MDC1: variants seen among roughly 807,000 people sequenced by gnomAD.
MDC1 encodes mediator of DNA damage checkpoint 1.
MDC1 carries 81 observed loss-of-function variants against 142.5 expected under a neutral mutation model. The observed-to-expected ratio is 0.57, with a 90% CI of 0.47 to 0.68. The LOEUF is 0.68. Among genes scored for constraint, MDC1 ranks in the 30% least tolerant of loss-of-function variants. The probability of loss-of-function intolerance (pLI) is 0.00; values close to 1 mark genes in which losing one functional copy is unlikely to be tolerated. For missense variants in MDC1, 2,119 were observed against 2,547.9 expected (o/e 0.83, Z 3.62); for synonymous variants, 797 against 968.4 (o/e 0.82, Z 3.29).
intron 9 of MDC1, among the ~76,000 whole-genome samples, chr6:30,706,736 G>T (rs952817685): frequency 1.3e-5 from 2 of 151,008 alleles, no homozygotes; most frequent in Non-Finnish European, 2.9e-5. Flanking sequence ...GGCAGAGGTT[G>T]CAGTGAGCCA....
In MDC1 at chr6:30,715,337, A is replaced by AG. The variant is rs1370412374; in HGVS notation, c.-3-160_-3-159insC. Among the ~76,000 whole-genome samples, 1 of 150,522 alleles carries AG rather than the reference A, an allele frequency of 6.6e-6. No homozygotes were observed. The highest frequency in any genetic ancestry group is 1.5e-5 in the Non-Finnish European group (1 of 67,878). On this transcript the variant is annotated intron_variant, in intron 1 of 14. Coordinates refer to ENST00000376406, the MANE Select transcript of MDC1 (RefSeq NM_014641.3). This position sits in a 1 kb window ranked among gnomAD's most constrained non-coding sequence, Gnocchi z 4.1. ...GTTGTTAACCTTCTGAAGCACTTAA[A>AG]ACATTTTTTTCTTTTTTGTGATGGA...
At position 30,713,015 on chromosome 6, in the gene MDC1, A is replaced by G; in HGVS notation, c.927T>C (p.Pro309=). The G allele has an allele frequency of 6.2e-7, 1 of 1,612,666 alleles. No individual in the cohort carries two copies. The highest frequency in any genetic ancestry group is 8.5e-7 in the Non-Finnish European group (1 of 1,179,786). ...SDTDVDDDSR[P]PGRPAEVHLE... ...AATGGACCTCAGCTGGCCTTCCAGG[A>G]GGCCTGCTGTCATCATCCACATCTG... Residue 309 remains proline, a synonymous_variant, in exon 5 of 15, where the codon CCT becomes CCC. Transcript: ENST00000376406. This position sits in a 1 kb window ranked among gnomAD's most constrained non-coding sequence, Gnocchi z 4.9.
Position 30,703,612 on chromosome 6 carries a change from TCTC to T in MDC1, c.5562+6_5562+8del. On this transcript the variant is annotated splice_donor_region_variant and intron_variant, in intron 10 of 14. Transcript: ENST00000376406. The surrounding 1 kb of genome is among the most constrained non-coding windows in gnomAD (Gnocchi z 4.4). ...TTTCCCAGCTTTGTGGTCCCAACCCTCTCCTCACCTCTTCCTTCCCTGGCTTCT... is the reference window on the plus strand; with the variant it reads ...TTTCCCAGCTTTGTGGTCCCAACCCTCTCACCTCTTCCTTCCCTGGCTTCT... The T allele has an allele frequency of 1.2e-6, 2 of 1,603,342 alleles. No individual in the cohort carries two copies. Among genetic ancestry groups the T allele is most frequent in the Non-Finnish European group, 1.7e-6 (2 of 1,175,144 alleles).
At position 30,713,724 on chromosome 6, in the gene MDC1, A is replaced by G. The variant is rs1011748258; in HGVS notation, c.518-7T>C. The G allele has an allele frequency of 6.2e-7, 1 of 1,614,132 alleles. No individual in the cohort carries two copies. Among genetic ancestry groups the G allele is most frequent in the Non-Finnish European group, 8.5e-7 (1 of 1,179,988 alleles). On this transcript the variant is annotated splice_region_variant and splice_polypyrimidine_tract_variant and intron_variant, in intron 3 of 14. Coordinates refer to ENST00000376406, the MANE Select transcript of MDC1 (RefSeq NM_014641.3). The surrounding 1 kb of genome is among the most constrained non-coding windows in gnomAD (Gnocchi z 4.9). ...CGCCTTTCAGAAAGAAAATCTGTCA[A>G]GAACAGAAAGGAATGAGTTGACAAT...
Position 30,715,277 on chromosome 6 carries a change from T to A in MDC1, c.-3-99A>T. ...AACTAGGGGGTAAACTGGATCATTA[T>A]GAACGTTGATGCTTCTCTTTCCACC... On this transcript the variant is annotated intron_variant, in intron 1 of 14. Transcript: ENST00000376406. This position sits in a 1 kb window ranked among gnomAD's most constrained non-coding sequence, Gnocchi z 4.1. 1 of 1,206,160 alleles carries A rather than the reference T, an allele frequency of 8.3e-7. No individual in the cohort carries two copies. The highest frequency in any genetic ancestry group is 1.8e-5 in the Admixed American group (1 of 55,104). 74.7% of individuals were successfully genotyped at this position (1,206,160 alleles called of 1,614,324 possible). A position where few individuals can be genotyped will look rare whatever the true frequency, so the allele number is the denominator to read the frequency against.
rs1213065849 is a variant in MDC1 at position 30,699,986 on chromosome 6, TCTA to T, written c.*476_*478del. ...AGCACTCCATAACTGGACCCTCAAA[TCTA>T]CTCACTCCAAGCATCCCTTCAAGTT... On this transcript the variant is annotated 3_prime_UTR_variant, in exon 15 of 15. Coordinates refer to ENST00000376406, the MANE Select transcript of MDC1 (RefSeq NM_014641.3). The T allele has an allele frequency of 4.4e-6, 1 of 227,734 alleles. No individual in the cohort carries two copies. Among genetic ancestry groups the T allele is most frequent in the Non-Finnish European group, 8.7e-6 (1 of 114,828 alleles). The allele number at this position is 227,734 out of a possible 1,614,324, so 14.1% of individuals were successfully genotyped here.
In MDC1 at chr6:30,712,335, A is replaced by G. The variant is rs200078987; in HGVS notation, c.1607T>C (p.Ile536Thr). 67 of 1,612,998 alleles carry G rather than the reference A, an allele frequency of 4.2e-5. No individual in the cohort carries two copies. Among genetic ancestry groups the G allele is most frequent in the Non-Finnish European group, 3.4e-6 (4 of 1,180,058 alleles). Residue 536 changes from isoleucine (I) to threonine (T), a missense_variant, in exon 5 of 15, where the codon ATA becomes ACA. Transcript: ENST00000376406. This position sits in a 1 kb window ranked among gnomAD's most constrained non-coding sequence, Gnocchi z 4.7. Reference protein sequence around the residue: ...EKEVPPGSAIIHIKKHQVSVE... With the variant: ...EKEVPPGSAITHIKKHQVSVE... ...AGACACCTGATGCTTCTTTATATGT[A>G]TAATGGCTGACCCTGGCGGGACTTC...
In MDC1 at chr6:30,713,937, C is replaced by T. The variant is rs1775295571; in HGVS notation, c.383G>A (p.Cys128Tyr). 1 of 1,613,202 alleles carries T rather than the reference C, an allele frequency of 6.2e-7. No individual in the cohort carries two copies. The highest frequency in any genetic ancestry group is 8.5e-7 in the Non-Finnish European group (1 of 1,180,032). Residue 128 changes from cysteine (C) to tyrosine (Y), a missense_variant, in exon 3 of 15, where the codon TGC (cysteine) becomes TAC (tyrosine). Physicochemically the swap from Cys to Tyr is radical, Grantham distance 194. Coordinates refer to ENST00000376406, the MANE Select transcript of MDC1 (RefSeq NM_014641.3). This position sits in a 1 kb window ranked among gnomAD's most constrained non-coding sequence, Gnocchi z 4.9. ...AGAGACATCCAGGCGATGGTACTGGCAGAGCAAGTCAGCAAAGAGAATCAA... is the reference window on the plus strand; with the variant it reads ...AGAGACATCCAGGCGATGGTACTGGTAGAGCAAGTCAGCAAAGAGAATCAA... Reference protein sequence around the residue: ...QELILFADLLCQYHRLDVSLP... With the variant: ...QELILFADLLYQYHRLDVSLP...
At chr6:30,711,378 T>C (rs371107547) in intron 7 of MDC1, 34 bp downstream of exon 7, 32 of 1,559,680 alleles carry the variant, frequency 2.1e-5, no homozygotes, top group African/African-American at 9.5e-5. Context: ...GAATGCAGAA[T>C]TGGGGACACA....
At chr6:30,702,974 T>G in intron 12 of MDC1, 97 bp from the exon 13 acceptor site, 1 of 1,592,828 alleles carries the variant, frequency 6.3e-7, no homozygotes, top group Non-Finnish European at 8.6e-7. Context: ...GTCTTTTAAA[T>G]CAATGCAGGC....
rs756831805 is a variant in MDC1, at chr6:30,707,655, T to C, written c.2924A>G (p.Asp975Gly). 2.5e-6 allele frequency: 4 copies of C among 1,612,954 alleles called. No individual in the cohort carries two copies. The highest frequency in any genetic ancestry group is 1.6e-4 in the Middle Eastern group (1 of 6,062). The change falls in exon 8 of 15, where the codon GAC (aspartate) becomes GGC (glycine). Residue 975 changes from aspartate (D) to glycine (G), a missense_variant. Coordinates refer to ENST00000376406, the MANE Select transcript of MDC1 (RefSeq NM_014641.3). ...GGGGGCTGAGGTAGGTCCCGGAAGG[T>C]CCCCCGCCCCCACCCCAGGCTCTGG... Reference protein sequence around the residue: ...PTPEPGVGAGDLPGPTSAPVP... With the variant: ...PTPEPGVGAGGLPGPTSAPVP...
chr6:30,705,506 T>C lies in MDC1; in HGVS notation c.3677A>G (p.Gln1226Arg). 1 of 1,600,234 alleles carries C rather than the reference T, an allele frequency of 6.2e-7. No homozygotes were observed. Among genetic ancestry groups the C allele is most frequent in the South Asian group, 1.1e-5 (1 of 89,400 alleles). Residue 1226 changes from glutamine (Q) to arginine (R), a missense_variant, in exon 10 of 15, where the codon CAG (glutamine) becomes CGG (arginine). Coordinates refer to ENST00000376406, the MANE Select transcript of MDC1 (RefSeq NM_014641.3). ...TCTATTTTTTCTTCCCCTAGTAGCC[T>C]GAGAGGTGGGTTCAGAGGTGACAGG... is the stretch of plus-strand genomic sequence containing the variant. ...DRPVTSEPTS[Q>R]ATRGRKNRSS...
In MDC1 at chr6:30,705,548, GA is replaced by G; in HGVS notation, c.3634del (p.Ser1212ProfsTer149). On this transcript the variant is annotated frameshift_variant, in exon 10 of 15. Transcript: ENST00000376406. LOFTEE classifies it high-confidence loss of function. ...VVPTALELQP[S>X]TSTDRPVTSE... ...GGTGACAGGTCGGTCGGTGGAGGTG[GA>G]AGGCTGGAGCTCAAGGGCTGTGGGC... is the stretch of plus-strand genomic sequence containing the variant. 6.2e-7 allele frequency: 1 copy of G among 1,607,350 alleles called. No homozygotes were observed.
At chr6:30,706,314 G>A (rs1257347012) in intron 9 of MDC1, among the ~76,000 whole-genome samples, 3 of 150,180 alleles carry the variant, frequency 2.0e-5, no homozygotes, top group East Asian at 2.0e-4. Flanking sequence ...GTGAAACCCC[G>A]TCTCTACTAA....
Position 30,703,745 on chromosome 6 carries a change from C to G in MDC1, c.5438G>C (p.Arg1813Thr), listed in dbSNP as rs760943750. 1 of 1,546,596 alleles carries G rather than the reference C, an allele frequency of 6.5e-7. No homozygotes were observed. The highest frequency in any genetic ancestry group is 2.1e-5 in the Admixed American group (1 of 48,522). The change falls in exon 10 of 15, where the codon AGG becomes ACG. Residue 1813 changes from arginine to threonine, a missense_variant. By Grantham distance (71) the Arg-to-Thr change is moderately conservative. Coordinates refer to ENST00000376406, the MANE Select transcript of MDC1 (RefSeq NM_014641.3). This position sits in a 1 kb window ranked among gnomAD's most constrained non-coding sequence, Gnocchi z 4.4. Reference sequence around the variant, plus strand: ...TGGTGAATCCATGGTAGCTAAAGACCTCTTGCGGCTTTGAGAGGCCTTAGG... The same window carrying G: ...TGGTGAATCCATGGTAGCTAAAGACGTCTTGCGGCTTTGAGAGGCCTTAGG... ...LQPKASQSRK[R>T]SLATMDSPPH...
In MDC1 at chr6:30,713,657, A is replaced by G. The variant is rs1435389738; in HGVS notation, c.578T>C (p.Val193Ala). ...KSRTTSSSVI[V>A]PESDEEGHSP... Reference sequence around the variant, plus strand: ...ACTCTTTGGCACTCACCTCTCTGGAACTATCACAGAGGAAGATGTGGTCCT... The same window carrying G: ...ACTCTTTGGCACTCACCTCTCTGGAGCTATCACAGAGGAAGATGTGGTCCT... The change falls in exon 4 of 15, where the codon GTT becomes GCT. Residue 193 changes from valine (V) to alanine (A), a missense_variant. Val to Ala is a moderately conservative substitution (Grantham distance 64). Transcript: ENST00000376406. This position sits in a 1 kb window ranked among gnomAD's most constrained non-coding sequence, Gnocchi z 4.9. 2 of 1,614,076 alleles carry G rather than the reference A, an allele frequency of 1.2e-6. No individual in the cohort carries two copies. The highest frequency in any genetic ancestry group is 1.7e-6 in the Non-Finnish European group (2 of 1,180,018).
intron 12 of MDC1, 89 bp from the exon 13 acceptor site, chr6:30,702,966 C>G: frequency 1.3e-6 from 2 of 1,596,756 alleles, no homozygotes; most frequent in Non-Finnish European, 1.7e-6. Flanking sequence ...CACAAAATGT[C>G]TTTTAAATCA....
chr6:30,706,126 G>C lies in MDC1; in HGVS notation c.3085-28C>G, dbSNP rs761241267. ...AGGGAGAAACAGAAGCAAGTGAGGGGGAGGAGGTGGAGAAAAGAGATAGAA... is the reference window on the plus strand; with the variant it reads ...AGGGAGAAACAGAAGCAAGTGAGGGCGAGGAGGTGGAGAAAAGAGATAGAA... On this transcript the variant is annotated intron_variant, in intron 9 of 14. Coordinates refer to ENST00000376406, the MANE Select transcript of MDC1 (RefSeq NM_014641.3). 22 of 1,504,332 alleles carry C rather than the reference G, an allele frequency of 1.5e-5. No homozygotes were observed. The Admixed American group carries it at 3.2e-4, about 22-fold the overall frequency. 93.2% of individuals were successfully genotyped at this position (1,504,332 alleles called of 1,614,324 possible). A position where few individuals can be genotyped will look rare whatever the true frequency, so the allele number is the denominator to read the frequency against.
rs987534976 is a variant in MDC1, at chr6:30,711,492, A to G, written c.2141T>C (p.Met714Thr). The G allele has an allele frequency of 4.3e-6, 7 of 1,613,122 alleles. No individual in the cohort carries two copies. Among genetic ancestry groups the G allele is most frequent in the Admixed American group, 3.3e-5 (2 of 60,024 alleles). Reference protein sequence around the residue: ...ENQGLEAVQSMEDEPTQAFML... With the variant: ...ENQGLEAVQSTEDEPTQAFML... ...GAAGGCCTGGGTAGGTTCATCCTCC[A>G]TGCTCTGGACTGCTGTACAGGAAAA... The change falls in exon 7 of 15, where the codon ATG (methionine) becomes ACG (threonine). Residue 714 changes from methionine to threonine, a missense_variant. Met to Thr is a moderately conservative substitution (Grantham distance 81). Coordinates refer to ENST00000376406, the MANE Select transcript of MDC1 (RefSeq NM_014641.3).
Sources: gnomAD v4.1 joint callset for allele counts (sites outside exome capture counted in the v4.1 genomes callset) on GRCh38, gnomAD v4.1.1 for gene constraint, Gnocchi (gnomAD v3.1) non-coding constraint, MANE v1.5 for transcripts, NCBI Gene and HGNC (gene_info 2026-07-23, HGNC 2026-07-21) for gene names.